Variants in DNAH9 observed in about 807,000 individuals in gnomAD.
The protein encoded by DNAH9 is dynein axonemal heavy chain 9, also known as DNAH9 variant protein.
DNAH9 carries 345 observed loss-of-function variants against 471.6 expected under a neutral mutation model. That is an observed-to-expected ratio of 0.73 (90% CI 0.67 to 0.80). The LOEUF is 0.80. Among genes scored for constraint, DNAH9 ranks in the 30% least tolerant of loss-of-function variants. DNAH9 has a pLI of 0.00. For synonymous variants in DNAH9, 2,093 were observed against 2,123.6 expected, an observed-to-expected ratio of 0.99 and a Z score of 0.40; for missense variants, 5,407 against 5,609.2, an observed-to-expected ratio of 0.96 and a Z score of 1.15.
chr17:11,780,916 C>T, intron 38 of DNAH9, 93 bp from the exon 39 acceptor site: 1 of 1,348,642 alleles, frequency 7.4e-7, no homozygotes, highest in Non-Finnish European at 1.0e-6. Flanking sequence ...CACATGAAGG[C>T]AGCACCATTG....
rs1972662480 is a variant in DNAH9 at position 11,880,165 on chromosome 17, A to C, written c.10566A>C (p.Gly3522=). Residue 3522 remains glycine (G), a synonymous_variant, in exon 54 of 69, where the codon GGA becomes GGC. Coordinates refer to ENST00000262442, the MANE Select transcript of DNAH9 (RefSeq NM_001372.4). ...NLEESIDPVL[G]PLLGREVIKK... is the part of the protein sequence containing the mutation. The stretch of plus-strand genomic sequence containing the variant: ...AGGAGTCCATTGATCCTGTTCTGGG[A>C]CCCCTGCTTGGGAGAGAAGTCATTA... The C allele has an allele frequency of 1.2e-6, 2 of 1,613,514 alleles. No homozygotes were observed. The highest frequency in any genetic ancestry group is 2.7e-5 in the African/African-American group (2 of 74,802).
chr17:11,961,763 A>G, intron 67 of DNAH9, 104 bp from the exon 68 acceptor site: 1 of 1,338,722 alleles, frequency 7.5e-7, no homozygotes, highest in South Asian at 1.4e-5. Flanking sequence ...AGGATGGATA[A>G]CTCTTGTCTG....
At chr17:11,709,294 C>T (rs963690566) in intron 26 of DNAH9, among the ~76,000 whole-genome samples, 4 of 152,118 alleles carry the variant, frequency 2.6e-5, no homozygotes, top group East Asian at 1.9e-4. Flanking sequence ...ACCTTGTTTG[C>T]GCATTAGTTG....
At chr17:11,826,543 C>T (rs1970501949) in intron 48 of DNAH9, among the ~76,000 whole-genome samples, 1 of 140,872 alleles carries the variant, frequency 7.1e-6, no homozygotes, top group Admixed American at 7.6e-5. Flanking sequence ...TCACTGCAAG[C>T]TCTGCCTCCC....
At chr17:11,807,120 G>A (rs1239497183) in intron 43 of DNAH9, among the ~76,000 whole-genome samples, 1 of 152,092 alleles carries the variant, frequency 6.6e-6, no homozygotes, top group Non-Finnish European at 1.5e-5. Flanking sequence ...CAGGGATGCA[G>A]CTGTCTTACC....
In DNAH9 at chr17:11,626,659, A is replaced by G. The variant is rs1387112643; in HGVS notation, c.1351-2758A>G. ...GAGGTCACATCTACTTCTTTGTCCC[A>G]TTCACTCATTTGCCTTCATTCTGCC... is the stretch of plus-strand genomic sequence containing the variant. On this transcript the variant is annotated intron_variant, in intron 6 of 68. Transcript: ENST00000262442. This position sits in a 1 kb window ranked among gnomAD's most constrained non-coding sequence, Gnocchi z 4.3. Among the ~76,000 whole-genome samples the G allele has an allele frequency of 2.0e-5, 3 of 152,148 alleles. No individual in the cohort carries two copies. Among genetic ancestry groups the G allele is most frequent in the African/African-American group, 4.8e-5 (2 of 41,428 alleles).
chr17:11,816,466 A>G (rs717786), intron 45 of DNAH9, among the ~76,000 whole-genome samples: 82,692 of 151,632 alleles, frequency 0.55, 22,976 homozygotes, highest in Non-Finnish European at 0.59. Context: ...ACTATTGGAC[A>G]TGTGCTTTGG....
chr17:11,613,172 T>C (rs1434141034), intron 4 of DNAH9, among the ~76,000 whole-genome samples: 1 of 152,188 alleles, frequency 6.6e-6, no homozygotes, highest in Non-Finnish European at 1.5e-5. Context: ...AAGTGTCTCT[T>C]GAGGCTCCAG....
rs550102797 is a variant in DNAH9, at chr17:11,777,170, TTGAG to T, written c.7553-3834_7553-3831del. ...GAAGAGATGGCTCTGTACCAGTAAC[TTGAG>T]TGAGATGACATGGTTATTGTAATTA... On this transcript the variant is annotated intron_variant, in intron 38 of 68. Transcript: ENST00000262442. 1.1e-3 allele frequency among the ~76,000 whole-genome samples: 174 copies of T among 152,332 alleles called. 3 individuals carry two copies. Among genetic ancestry groups the T allele is most frequent in the African/African-American group, 4.1e-3 (169 of 41,578 alleles).
At chr17:11,939,997 T>C (rs1974849924) in intron 66 of DNAH9, among the ~76,000 whole-genome samples, 1 of 152,316 alleles carries the variant, frequency 6.6e-6, no homozygotes, top group Admixed American at 6.5e-5. Context: ...TGCAGGAATA[T>C]ATACCAAAAA....
In DNAH9 at chr17:11,804,644, G is replaced by A. The variant is rs188044813; in HGVS notation, c.8421-3088G>A. Among the ~76,000 whole-genome samples the A allele has an allele frequency of 2.5e-4, 38 of 152,300 alleles. 1 individual carries two copies. Among genetic ancestry groups the A allele is most frequent in the African/African-American group, 7.7e-4 (32 of 41,568 alleles). On this transcript the variant is annotated intron_variant, in intron 43 of 68. Coordinates refer to ENST00000262442, the MANE Select transcript of DNAH9 (RefSeq NM_001372.4). The stretch of plus-strand genomic sequence containing the variant: ...CTGTAATCCCAGGGAGGGAGGCCTG[G>A]CGGGTGGATCACAAGGTCAGGAGAT...
At position 11,624,330 on chromosome 17, in the gene DNAH9, G is replaced by A. The variant is rs535613797; in HGVS notation, c.1350+4549G>A. 3.9e-5 allele frequency among the ~76,000 whole-genome samples: 6 copies of A among 152,194 alleles called. No individual in the cohort carries two copies. The East Asian group carries it at 1.2e-3, about 30-fold the overall frequency. ...TTGAGACAAGCCTGGCCAACATGGT[G>A]AAACCCTGTCTCTACTAAAAATACA... On this transcript the variant is annotated intron_variant, in intron 6 of 68. Coordinates refer to ENST00000262442, the MANE Select transcript of DNAH9 (RefSeq NM_001372.4).
At chr17:11,599,726 A>G (rs1228961576) in intron 1 of DNAH9, among the ~76,000 whole-genome samples, 2 of 152,180 alleles carry the variant, frequency 1.3e-5, no homozygotes, top group Non-Finnish European at 2.9e-5. Flanking sequence ...CTGCCCTGCA[A>G]GTCAGGCTGT....
chr17:11,656,766 G>A (rs1401868339), intron 14 of DNAH9, among the ~76,000 whole-genome samples: 1 of 152,080 alleles, frequency 6.6e-6, no homozygotes, highest in African/African-American at 2.4e-5. Context: ...CCATTCTCCT[G>A]CGAGCCTCAA....
chr17:11,854,278 G>A lies in DNAH9; in HGVS notation c.9783G>A (p.Ala3261=), dbSNP rs754739853. ...NPEFVATKSY[A]AAGLCSWVIN... ...AGTTTGTGGCCACCAAATCCTATGC[G>A]GCTGCAGGCCTCTGCTCCTGGGTCA... Residue 3261 remains alanine (A), a synonymous_variant, in exon 50 of 69, where the codon GCG becomes GCA. Coordinates refer to ENST00000262442, the MANE Select transcript of DNAH9 (RefSeq NM_001372.4). The A allele has an allele frequency of 1.3e-5, 21 of 1,614,088 alleles. No homozygotes were observed. The highest frequency in any genetic ancestry group is 3.3e-5 in the South Asian group (3 of 91,064).
chr17:11,943,381 G>A (rs1975006178), intron 67 of DNAH9, among the ~76,000 whole-genome samples: 2 of 152,148 alleles, frequency 1.3e-5, no homozygotes, highest in South Asian at 2.1e-4. Context: ...GAAACGGACT[G>A]CAAAATCTAG....
intron 67 of DNAH9, among the ~76,000 whole-genome samples, chr17:11,944,083 C>T (rs148594577): frequency 1.2e-4 from 18 of 152,278 alleles, no homozygotes; most frequent in Non-Finnish European, 2.4e-4. Flanking sequence ...CAGTTGGTGT[C>T]ATGAATCTCG....
rs1477751618 is a variant in DNAH9 at position 11,719,477 on chromosome 17, A to G, written c.5696A>G (p.Gln1899Arg). 3.7e-6 allele frequency: 6 copies of G among 1,609,662 alleles called. No individual in the cohort carries two copies. Among genetic ancestry groups the G allele is most frequent in the South Asian group, 1.1e-5 (1 of 90,914 alleles). Residue 1899 changes from glutamine (Q) to arginine (R), a missense_variant, in exon 27 of 69, where the codon CAG (glutamine) becomes CGG (arginine). By Grantham distance (43) the Gln-to-Arg change is conservative. Transcript: ENST00000262442. Reference protein sequence around the residue: ...ILVYVFNCSEQMDYKSCGNIY... With the variant: ...ILVYVFNCSERMDYKSCGNIY... ...GTCTATGTGTTCAACTGCTCGGAGC[A>G]GATGGATTACAAGGTACAGTTCCAC...
intron 12 of DNAH9, among the ~76,000 whole-genome samples, chr17:11,648,135 T>C (rs1227005747): frequency 6.6e-6 from 1 of 152,224 alleles, no homozygotes; most frequent in Non-Finnish European, 1.5e-5. Flanking sequence ...AAAAACTGTA[T>C]TGGTCACACT....
Sources: allele counts gnomAD v4.1 joint callset (sites outside exome capture counted in the v4.1 genomes callset), GRCh38; gene constraint gnomAD v4.1.1; non-coding constraint Gnocchi (gnomAD v3.1); transcripts MANE v1.5; gene names NCBI Gene and HGNC (gene_info 2026-07-23, HGNC 2026-07-21).